LEPROTL1: variants seen among roughly 807,000 people sequenced by gnomAD.
The protein encoded by LEPROTL1 is leptin receptor overlapping transcript-like 1.
Under a neutral mutation model 15.4 loss-of-function variants are expected in LEPROTL1, and 6 were observed. The observed-to-expected ratio is 0.39, with a 90% confidence interval of 0.21 to 0.77. The LOEUF is 0.77. Among genes scored for constraint, LEPROTL1 ranks in the 30% least tolerant of loss-of-function variants. The probability of loss-of-function intolerance (pLI) is 0.41; values close to 1 mark genes in which losing one functional copy is unlikely to be tolerated. For missense variants in LEPROTL1, 128 were observed against 158.1 expected, an observed-to-expected ratio of 0.81 and a Z score of 1.02; for synonymous variants, 56 against 52.6, an observed-to-expected ratio of 1.06 and a Z score of -0.28.
intron 2 of LEPROTL1, among the ~76,000 whole-genome samples, chr8:30,102,243 T>C (rs1802478712): frequency 2.0e-5 from 3 of 152,132 alleles, no homozygotes. Context: ...GCCCTCCTGC[T>C]CAGTTTTTAA....
In LEPROTL1 at chr8:30,105,873, C is replaced by A; in HGVS notation, c.*11C>A. 6.6e-7 allele frequency: 1 copy of A among 1,516,374 alleles called. No homozygotes were observed. The highest frequency in any genetic ancestry group is 1.3e-5 in the South Asian group (1 of 78,850). The allele number at this position is 1,516,374 out of a possible 1,614,324, so 93.9% of individuals were successfully genotyped here. On this transcript the variant is annotated 3_prime_UTR_variant, in exon 4 of 4. Coordinates refer to ENST00000321250, the MANE Select transcript of LEPROTL1 (RefSeq NM_015344.3). ...TGGCAGCAGTGGTGAAAAGAAATTA[C>A]TGAACTATTGTCAAATGGACTTCCT... is the stretch of plus-strand genomic sequence containing the variant.
intron 1 of LEPROTL1, among the ~76,000 whole-genome samples, chr8:30,099,595 C>A (rs1802428148): frequency 1.3e-5 from 1 of 74,886 alleles, no homozygotes; most frequent in African/African-American, 5.2e-5. Flanking sequence ...CGCAAGACTC[C>A]ATTTAAAAAA....
chr8:30,117,670 AGACGAT>A, intron 3 of LEPROTL1: 1 of 1,476,696 alleles, frequency 6.8e-7, no homozygotes, highest in Non-Finnish European at 9.4e-7. Flanking sequence ...GTGAGAAACC[AGACGAT>A]GACTTTGGAG....
Position 30,105,867 on chromosome 8 carries a change from AAATTACTGAACTATTGTCAAATGG to A in LEPROTL1, c.*7_*30del. The A allele has an allele frequency of 6.5e-7, 1 of 1,528,040 alleles. No individual in the cohort carries two copies. Among genetic ancestry groups the A allele is most frequent in the Non-Finnish European group, 8.8e-7 (1 of 1,139,726 alleles). The allele number at this position is 1,528,040 out of a possible 1,614,324, so 94.7% of individuals were successfully genotyped here. Reference sequence around the variant, plus strand: ...TTCAGCTGGCAGCAGTGGTGAAAAGAAATTACTGAACTATTGTCAAATGGACTTCCTGTCATTTGTTGGCCATTC... The same window carrying A: ...TTCAGCTGGCAGCAGTGGTGAAAAGAACTTCCTGTCATTTGTTGGCCATTC... On this transcript the variant is annotated 3_prime_UTR_variant, in exon 4 of 4. Transcript: ENST00000321250.
chr8:30,106,971 C>G lies in LEPROTL1; in HGVS notation c.*1109C>G. 3 of 985,526 alleles carry G rather than the reference C, an allele frequency of 3.0e-6. No homozygotes were observed. The highest frequency in any genetic ancestry group is 3.6e-6 in the Non-Finnish European group (3 of 829,796). The allele number at this position is 985,526 out of a possible 1,614,324, so 61.0% of individuals were successfully genotyped here. A position where few individuals can be genotyped will look rare whatever the true frequency, so the allele number is the denominator to read the frequency against. ...GTGCCCCCTCCCCTGCAAGGCCTTG[C>G]CATGATTAACAAGTAACTTGTTAGT... On this transcript the variant is annotated 3_prime_UTR_variant, in exon 4 of 4. Coordinates refer to ENST00000321250, the MANE Select transcript of LEPROTL1 (RefSeq NM_015344.3).
intron 1 of LEPROTL1, among the ~76,000 whole-genome samples, chr8:30,101,637 C>G (rs1314179664): frequency 6.9e-6 from 1 of 145,714 alleles, no homozygotes; most frequent in African/African-American, 2.6e-5. Context: ...CATTGGACTC[C>G]AGCCTGGGCA....
At position 30,104,500 on chromosome 8, in the gene LEPROTL1, T is replaced by G; in HGVS notation, c.279+14T>G. ...AGAGCACATCTGGTAAGTGAATATATTCTTCCATTAATGATTTTATATTGA... is the reference window on the plus strand; with the variant it reads ...AGAGCACATCTGGTAAGTGAATATAGTCTTCCATTAATGATTTTATATTGA... On this transcript the variant is annotated intron_variant, in intron 3 of 3. Coordinates refer to ENST00000321250, the MANE Select transcript of LEPROTL1 (RefSeq NM_015344.3). 3 of 1,526,358 alleles carry G rather than the reference T, an allele frequency of 2.0e-6. No individual in the cohort carries two copies. Among genetic ancestry groups the G allele is most frequent in the Non-Finnish European group, 2.7e-6 (3 of 1,130,778 alleles). 94.6% of individuals were successfully genotyped at this position (1,526,358 alleles called of 1,614,324 possible).
In LEPROTL1 at chr8:30,095,462, G is replaced by A; in HGVS notation, c.-51G>A. 2 of 1,463,146 alleles carry A rather than the reference G, an allele frequency of 1.4e-6. No homozygotes were observed. Among genetic ancestry groups the A allele is most frequent in the Non-Finnish European group, 9.0e-7 (1 of 1,111,612 alleles). The allele number at this position is 1,463,146 out of a possible 1,614,324, so 90.6% of individuals were successfully genotyped here. ...GCGCGTCTTGGGTCTCCCGGCTGCC[G>A]CTGCTGCCGCCGCCGCCTCGGGTCG... On this transcript the variant is annotated 5_prime_UTR_variant, in exon 1 of 4. Transcript: ENST00000321250.
At chr8:30,135,743 G>A (rs1221347224) in intron 4 of LEPROTL1, among the ~76,000 whole-genome samples, 1 of 151,682 alleles carries the variant, frequency 6.6e-6, no homozygotes, top group Non-Finnish European at 1.5e-5. Context: ...GCAAAACCCC[G>A]TTTCTACAAA....
At chr8:30,111,361 T>C (rs998154673), downstream of LEPROTL1, among the ~76,000 whole-genome samples, 4 of 152,252 alleles carry the variant, frequency 2.6e-5, no homozygotes, top group Non-Finnish European at 5.9e-5. Flanking sequence ...AATAATTTAT[T>C]ATCAACTAAA....
chr8:30,137,602 A>T, exon 5 of LEPROTL1: 1 of 896,520 alleles, frequency 1.1e-6, no homozygotes, highest in South Asian at 1.7e-5. Flanking sequence ...TGAAACTGCC[A>T]TTGCAAAATT....
rs1005702357 is a variant in LEPROTL1 at position 30,104,725 on chromosome 8, T to G, written c.279+239T>G. ...ATACTTTTTTTTTTCTTTTTTTTTTTTTTTTGAGATGGAGTCTTGCTCTGT... is the reference window on the plus strand; with the variant it reads ...ATACTTTTTTTTTTCTTTTTTTTTTGTTTTTGAGATGGAGTCTTGCTCTGT... On this transcript the variant is annotated intron_variant, in intron 3 of 3. Coordinates refer to ENST00000321250, the MANE Select transcript of LEPROTL1 (RefSeq NM_015344.3). 29 of 328,510 alleles carry G rather than the reference T, an allele frequency of 8.8e-5. 1 individual carries two copies. The highest frequency in any genetic ancestry group is 6.3e-4 in the African/African-American group (29 of 45,906). 20.3% of individuals were successfully genotyped at this position (328,510 alleles called of 1,614,324 possible).
chr8:30,100,244 C>T (rs1288357750), intron 1 of LEPROTL1, among the ~76,000 whole-genome samples: 3 of 152,150 alleles, frequency 2.0e-5, no homozygotes, highest in Non-Finnish European at 4.4e-5. Flanking sequence ...TAGTACTTGG[C>T]AAAGTTTAAC....
intron 3 of LEPROTL1, chr8:30,131,882 C>T (rs932790045): frequency 1.7e-5 from 25 of 1,478,740 alleles, no homozygotes; most frequent in Admixed American, 5.1e-5. Flanking sequence ...ATTATCGATG[C>T]GTCATCTGGC....
chr8:30,135,913 G>GA (rs36032566), intron 4 of LEPROTL1, among the ~76,000 whole-genome samples: 102,773 of 128,798 alleles, frequency 0.8, 41,002 homozygotes, highest in South Asian at 0.82. Flanking sequence ...GACCTTGTCT[G>GA]AAAAAAAAAA....
chr8:30,117,634 C>G (rs998543843), intron 3 of LEPROTL1: 21 of 1,472,596 alleles, frequency 1.4e-5, no homozygotes, highest in Non-Finnish European at 2.0e-5. Flanking sequence ...TCAAATTCGC[C>G]AATGTAACCA....
intron 1 of LEPROTL1, chr8:30,096,482 G>GT (rs1241553564): frequency 1.3e-4 from 91 of 721,294 alleles, no homozygotes; most frequent in South Asian, 4.4e-4. Flanking sequence ...ACTTAATCGA[G>GT]TTTTTTTTCA....
intron 3 of LEPROTL1, among the ~76,000 whole-genome samples, chr8:30,125,467 G>A (rs890184265): frequency 6.6e-6 from 1 of 152,182 alleles, no homozygotes; most frequent in Admixed American, 6.5e-5. Context: ...AATGCCGGGT[G>A]TTTATAAAGA....
intron 3 of LEPROTL1, chr8:30,117,517 C>G: frequency 7.3e-7 from 1 of 1,376,656 alleles, no homozygotes; most frequent in Non-Finnish European, 1.0e-6. Flanking sequence ...TGCCATTTTT[C>G]CAGATCTTTG....
Sources: allele counts gnomAD v4.1 joint callset (sites outside exome capture counted in the v4.1 genomes callset), GRCh38; gene constraint gnomAD v4.1.1; transcripts MANE v1.5; gene names NCBI Gene and HGNC (gene_info 2026-07-23, HGNC 2026-07-21).